RSPH3: variants seen among roughly 807,000 people sequenced by gnomAD.
The protein encoded by RSPH3 is radial spoke head 3.
Under a neutral mutation model 43.8 loss-of-function variants are expected in RSPH3, and 21 were observed. That is an observed-to-expected ratio of 0.48 (90% confidence interval 0.34 to 0.69). The LOEUF is 0.69. Among genes scored for constraint, RSPH3 ranks in the 30% least tolerant of loss-of-function variants. The pLI is 0.01. For missense variants in RSPH3, 487 were observed against 516.0 expected (o/e 0.94, Z 0.54); for synonymous variants, 173 against 179.8 (o/e 0.96, Z 0.30).
chr6:158,990,660 T>C (rs200947840), intron 2 of RSPH3: 3 of 150,960 alleles, frequency 2.0e-5, no homozygotes, highest in African/African-American at 4.9e-5. Flanking sequence ...TTTTTTTTTT[T>C]AATTTTCAAA....
downstream of RSPH3, among the ~76,000 whole-genome samples, chr6:158,972,162 G>T (rs1777700931): frequency 6.6e-6 from 1 of 152,146 alleles, no homozygotes; most frequent in Non-Finnish European, 1.5e-5. Context: ...TCAGTATAGA[G>T]AAATTTCTAA....
At chr6:158,965,738 G>A in the RSPH3 span, among the ~76,000 whole-genome samples, 8 of 151,896 alleles carry the variant, frequency 5.3e-5, no homozygotes, top group South Asian at 4.1e-4. Flanking sequence ...TTTCCAATCC[G>A]GATGACTTTT....
At position 158,999,753 on chromosome 6, in the gene RSPH3, CCA is replaced by C. The variant is rs757935663; in HGVS notation, c.-205_-204del. 272 of 1,611,192 alleles carry C rather than the reference CCA, an allele frequency of 1.7e-4. No individual in the cohort carries two copies. The highest frequency in any genetic ancestry group is 2.2e-4 in the Non-Finnish European group (263 of 1,178,080). On this transcript the variant is annotated 5_prime_UTR_variant, in exon 1 of 8. The change creates a premature stop within an existing upstream ORF in the 5' untranslated region. Coordinates refer to ENST00000367069, the MANE Select transcript of RSPH3 (RefSeq NM_031924.8). The stretch of plus-strand genomic sequence containing the variant: ...AGCTATACTGGGCTCGCTCCCAGCA[CCA>C]CAGAGACCAGCTGCGGGGGCCGCAT...
chr6:158,969,602 C>T (rs1423377829), downstream of RSPH3, among the ~76,000 whole-genome samples: 2 of 152,124 alleles, frequency 1.3e-5, no homozygotes, highest in African/African-American at 4.8e-5. Context: ...TATTCTGCCC[C>T]TTTCTCTCTT....
At chr6:158,999,093 G>A (rs1778745877) in intron 1 of RSPH3, among the ~76,000 whole-genome samples, 1 of 152,244 alleles carries the variant, frequency 6.6e-6, no homozygotes, top group African/African-American at 2.4e-5. Context: ...GATTAACTAA[G>A]AAAACGTATT....
In RSPH3 at chr6:158,989,600, G is replaced by T. The variant is rs1778341547; in HGVS notation, c.205-3179C>A. 6.6e-6 allele frequency among the ~76,000 whole-genome samples: 1 copy of T among 152,142 alleles called. No homozygotes were observed. Among genetic ancestry groups the T allele is most frequent in the Non-Finnish European group, 1.5e-5 (1 of 68,022 alleles). On this transcript the variant is annotated intron_variant, in intron 2 of 7. Coordinates refer to ENST00000367069, the MANE Select transcript of RSPH3 (RefSeq NM_031924.8). The surrounding 1 kb of genome is among the most constrained non-coding windows in gnomAD (Gnocchi z 4.3). ...TTTCCTTTGGTTGAGTTATACAGCA[G>T]AGTGTCCAGGGCTGGAGATGGTAGT...
intron 4 of RSPH3, 102 bp from the exon 5 acceptor site, chr6:158,982,790 T>A (rs1311296587): frequency 2.6e-6 from 2 of 762,892 alleles, no homozygotes; most frequent in Non-Finnish European, 2.2e-6. Context: ...TTATTAAGTG[T>A]CTCCTGTGTG....
At chr6:158,978,831 A>G (rs2143652) in intron 6 of RSPH3, among the ~76,000 whole-genome samples, 20,058 of 152,096 alleles carry the variant, frequency 0.13, 2,031 homozygotes, top group East Asian at 0.41. Flanking sequence ...GAGCCACCAC[A>G]CCTTGCCCAA....
chr6:158,991,711 T>C (rs1778414184), intron 2 of RSPH3, among the ~76,000 whole-genome samples: 1 of 152,186 alleles, frequency 6.6e-6, no homozygotes, highest in African/African-American at 2.4e-5. Context: ...TGCTCCACCC[T>C]TGTTGATACC....
intron 2 of RSPH3, chr6:158,990,475 A>C (rs1725752834): frequency 6.6e-6 from 1 of 152,112 alleles, no homozygotes; most frequent in African/African-American, 2.4e-5. Context: ...GCCATTTTGG[A>C]ACTCCTGAAA....
At chr6:158,996,620 A>C (rs1778606144) in intron 1 of RSPH3, among the ~76,000 whole-genome samples, 1 of 152,236 alleles carries the variant, frequency 6.6e-6, no homozygotes, top group Non-Finnish European at 1.5e-5. Context: ...CCCTTCAGTC[A>C]TAAGTTAGTT....
intron 4 of RSPH3, 92 bp downstream of exon 4, chr6:158,983,570 G>T: frequency 1.1e-6 from 1 of 901,468 alleles, no homozygotes; most frequent in South Asian, 1.3e-5. Context: ...ATCTGATTGT[G>T]AAGTGGTTCT....
downstream of RSPH3, among the ~76,000 whole-genome samples, chr6:158,970,697 C>T (rs1049683680): frequency 4.6e-5 from 7 of 152,100 alleles, no homozygotes; most frequent in Non-Finnish European, 8.8e-5. Context: ...AGGCACCCGC[C>T]ACTATGCCTT....
rs775524601 is a variant in RSPH3 at position 158,982,635 on chromosome 6, C to A, written c.546G>T (p.Lys182Asn). 1 of 1,613,900 alleles carries A rather than the reference C, an allele frequency of 6.2e-7. No individual in the cohort carries two copies. The change falls in exon 5 of 8, where the codon AAG becomes AAT. Residue 182 changes from lysine (K) to asparagine (N), a missense_variant. Coordinates refer to ENST00000367069, the MANE Select transcript of RSPH3 (RefSeq NM_031924.8). ...CTTCCAGAAGAGACTGCTCAATTGT[C>A]TTCCCCACCAAAACTTCTAACACTG... ...VKPVLEVLVG[K>N]TIEQSLLEVM...
chr6:158,968,231 G>GT (rs1347830250), downstream of RSPH3, among the ~76,000 whole-genome samples: 1 of 151,832 alleles, frequency 6.6e-6, no homozygotes, highest in African/African-American at 2.4e-5. Flanking sequence ...TTCTTTTACT[G>GT]TTTTTTATTT....
rs1004111034 is a variant in RSPH3 at position 158,974,748 on chromosome 6, G to A, written c.*2790C>T. On this transcript the variant is annotated 3_prime_UTR_variant, in exon 8 of 8. Coordinates refer to ENST00000367069, the MANE Select transcript of RSPH3 (RefSeq NM_031924.8). ...TTGAATTAATTTATGGATTTATAGA[G>A]CATAGGTCTGGCATCTGCAAAGTGT... is the stretch of plus-strand genomic sequence containing the variant. 1 of 152,124 alleles carries A rather than the reference G, an allele frequency of 6.6e-6. No individual in the cohort carries two copies. The highest frequency in any genetic ancestry group is 2.4e-5 in the African/African-American group (1 of 41,406). The allele number at this position is 152,124 out of a possible 1,614,324, so 9.4% of individuals were successfully genotyped here. A position where few individuals can be genotyped will look rare whatever the true frequency, so the allele number is the denominator to read the frequency against.
At chr6:158,963,337 TTC>T in the RSPH3 span, among the ~76,000 whole-genome samples, 2,243 of 144,486 alleles carry the variant, frequency 0.016, 22 homozygotes, top group Admixed American at 0.023. Context: ...CCTTCCTTCC[TTC>T]TCCTTCCTTC....
chr6:158,979,870 G>A (rs941294891), intron 6 of RSPH3, among the ~76,000 whole-genome samples: 8 of 152,160 alleles, frequency 5.3e-5, no homozygotes, highest in Non-Finnish European at 7.4e-5. Context: ...AGCTAGGAAC[G>A]TGGACTTTGA....
intron 4 of RSPH3, 108 bp from the exon 5 acceptor site, chr6:158,982,796 G>A (rs2128606741): frequency 1.4e-6 from 1 of 736,504 alleles, no homozygotes; most frequent in East Asian, 2.7e-5. Context: ...AGTGTCTCCT[G>A]TGTGCCAGAC....
Sources: gnomAD v4.1 joint callset for allele counts (sites outside exome capture counted in the v4.1 genomes callset) on GRCh38, gnomAD v4.1.1 for gene constraint, Gnocchi (gnomAD v3.1) non-coding constraint, MANE v1.5 for transcripts, NCBI Gene and HGNC (gene_info 2026-07-23, HGNC 2026-07-21) for gene names.